Variants in KCNAB1 observed in about 807,000 individuals in gnomAD.
KCNAB1 encodes potassium voltage-gated channel subfamily A regulatory beta subunit 1, also known as voltage-gated potassium channel subunit beta-1.
Under a neutral mutation model 64.6 loss-of-function variants are expected in KCNAB1, and 35 were observed. The observed-to-expected ratio is 0.54, with a 90% CI of 0.41 to 0.72. The LOEUF (loss-of-function observed/expected upper bound fraction) is 0.72. Among genes scored for constraint, KCNAB1 ranks in the 30% least tolerant of loss-of-function variants. KCNAB1 has a pLI of 0.00. For synonymous variants in KCNAB1, 177 were observed against 183.8 expected (o/e 0.96, Z 0.30); for missense variants, 401 against 512.9 (o/e 0.78, Z 2.11).
At chr3:156,249,328 C>T (rs929957272) in intron 1 of KCNAB1, among the ~76,000 whole-genome samples, 11 of 151,784 alleles carry the variant, frequency 7.2e-5, no homozygotes, top group East Asian at 1.9e-4. Context: ...TTTGGGAGGC[C>T]GAGGCAGATG....
At chr3:156,464,485 A>T (rs563703931) in intron 6 of KCNAB1, among the ~76,000 whole-genome samples, 3,277 of 147,800 alleles carry the variant, frequency 0.022, 49 homozygotes, top group South Asian at 0.042. Context: ...AATCGCAAAA[A>T]AATAATAATA....
intron 1 of KCNAB1, among the ~76,000 whole-genome samples, chr3:156,406,487 A>G (rs1007154156): frequency 6.6e-6 from 1 of 152,148 alleles, no homozygotes; most frequent in Admixed American, 6.5e-5. Flanking sequence ...TTCCTGGGGA[A>G]GCCCCCTTGG....
intron 8 of KCNAB1, among the ~76,000 whole-genome samples, chr3:156,513,338 A>AAAT (rs141387274): frequency 0.059 from 8,966 of 152,058 alleles, 707 homozygotes; most frequent in African/African-American, 0.19. Context: ...TGCTCATGAG[A>AAAT]AATAATAATA....
At chr3:156,245,220 G>A (rs944900899) in intron 1 of KCNAB1, among the ~76,000 whole-genome samples, 17 of 152,158 alleles carry the variant, frequency 1.1e-4, no homozygotes, top group African/African-American at 3.6e-4. Context: ...ATCTCCTAGC[G>A]ATCTGCTTGA....
At chr3:156,158,242 A>G (rs887230480) in intron 1 of KCNAB1, among the ~76,000 whole-genome samples, 1 of 151,198 alleles carries the variant, frequency 6.6e-6, no homozygotes, top group African/African-American at 2.4e-5. Context: ...AATGTAATTA[A>G]AATAAAATTT....
chr3:156,497,658 T>C (rs1381600795), intron 8 of KCNAB1, among the ~76,000 whole-genome samples: 1 of 152,230 alleles, frequency 6.6e-6, no homozygotes. Flanking sequence ...ATATCTGCAA[T>C]GCAATGACAG....
chr3:156,194,435 A>G (rs942515773), intron 1 of KCNAB1, among the ~76,000 whole-genome samples: 6 of 152,058 alleles, frequency 3.9e-5, no homozygotes, highest in African/African-American at 9.7e-5. Context: ...TAATAAATCT[A>G]TTCTCATTCT....
At chr3:156,275,429 G>C (rs921964578) in intron 1 of KCNAB1, among the ~76,000 whole-genome samples, 3 of 152,100 alleles carry the variant, frequency 2.0e-5, no homozygotes, top group African/African-American at 7.2e-5. Context: ...GGTGGCTGTG[G>C]CAATTTCTTA....
At chr3:156,418,057 A>C (rs1166932066) in intron 1 of KCNAB1, among the ~76,000 whole-genome samples, 1 of 152,254 alleles carries the variant, frequency 6.6e-6, no homozygotes, top group African/African-American at 2.4e-5. Flanking sequence ...TTTTGAGTTG[A>C]ACAGGAGCAG....
intron 1 of KCNAB1, among the ~76,000 whole-genome samples, chr3:156,290,029 C>T (rs1720308003): frequency 6.6e-6 from 1 of 152,174 alleles, no homozygotes; most frequent in Non-Finnish European, 1.5e-5. Context: ...CTTGAGGGCC[C>T]AGCCTCTGTT....
chr3:156,288,435 C>G (rs1326762071), intron 1 of KCNAB1, among the ~76,000 whole-genome samples: 1 of 152,254 alleles, frequency 6.6e-6, no homozygotes, highest in African/African-American at 2.4e-5. Flanking sequence ...AGTGAAGACT[C>G]TTCCCAATCT....
chr3:156,381,748 A>G (rs1209416509), intron 1 of KCNAB1, among the ~76,000 whole-genome samples: 1 of 152,166 alleles, frequency 6.6e-6, no homozygotes, highest in Non-Finnish European at 1.5e-5. Context: ...CACTACTACT[A>G]CCTAGTTCCT....
At chr3:156,283,998 G>A (rs368509283) in intron 1 of KCNAB1, among the ~76,000 whole-genome samples, 1 of 151,928 alleles carries the variant, frequency 6.6e-6, no homozygotes, top group Non-Finnish European at 1.5e-5. Flanking sequence ...GCTTTGTTCC[G>A]TTGCTGGTGA....
At position 156,160,809 on chromosome 3, in the gene KCNAB1, CTTTCAT is replaced by C. The variant is rs1310132663; in HGVS notation, c.275+39929_275+39934del. Among the ~76,000 whole-genome samples the C allele has an allele frequency of 3.3e-5, 5 of 152,270 alleles. No individual in the cohort carries two copies. The East Asian group carries it at 9.7e-4, about 29-fold the overall frequency. On this transcript the variant is annotated intron_variant, in intron 1 of 13. Coordinates refer to ENST00000490337, the MANE Select transcript of KCNAB1 (RefSeq NM_172160.3). The stretch of plus-strand genomic sequence containing the variant: ...CATAGCTTTGTTCGCTGCATTCTGG[CTTTCAT>C]TTTCACACGTACATTAAGAGGTTGT...
intron 1 of KCNAB1, among the ~76,000 whole-genome samples, chr3:156,347,970 G>T (rs533586249): frequency 6.6e-6 from 1 of 152,194 alleles, no homozygotes; most frequent in African/African-American, 2.4e-5. Context: ...ATCTAACAAG[G>T]GTCAGGCATT....
At chr3:156,420,256 G>A (rs768182035) in intron 1 of KCNAB1, among the ~76,000 whole-genome samples, 1 of 152,210 alleles carries the variant, frequency 6.6e-6, no homozygotes, top group Non-Finnish European at 1.5e-5. Flanking sequence ...AGACATCAAC[G>A]CTACATCTTC....
intron 1 of KCNAB1, among the ~76,000 whole-genome samples, chr3:156,184,034 G>A (rs1023701422): frequency 1.3e-5 from 2 of 152,110 alleles, no homozygotes; most frequent in South Asian, 2.1e-4. Context: ...TATACATAAC[G>A]ACCATAGAGC....
At chr3:156,301,713 C>T (rs769902154) in intron 1 of KCNAB1, among the ~76,000 whole-genome samples, 1 of 152,132 alleles carries the variant, frequency 6.6e-6, no homozygotes, top group Non-Finnish European at 1.5e-5. Context: ...AATCAAGAGG[C>T]TTGGATCTTA....
chr3:156,514,265 A>G (rs1374113136), intron 8 of KCNAB1, 99 bp from the exon 9 acceptor site: 3 of 826,078 alleles, frequency 3.6e-6, no homozygotes, highest in Non-Finnish European at 6.1e-6. Flanking sequence ...CAAACAAACA[A>G]TTGCATTAAG....
Sources: allele counts gnomAD v4.1 joint callset (sites outside exome capture counted in the v4.1 genomes callset), GRCh38; gene constraint gnomAD v4.1.1; transcripts MANE v1.5; gene names NCBI Gene and HGNC (gene_info 2026-07-23, HGNC 2026-07-21).